The following CPLX2 variants were observed in gnomAD, a reference collection of about 807,000 sequenced individuals.
The protein encoded by CPLX2 is complexin-2.
In CPLX2, 5 loss-of-function variants were observed where a neutral mutation model predicts 16.3. The ratio of observed to expected loss-of-function variants is 0.31; its 90% CI spans 0.16 to 0.64. The LOEUF (loss-of-function observed/expected upper bound fraction) is 0.64, where lower values mean the gene tolerates loss of function less well. CPLX2 is among the 30% of genes least tolerant of loss of function. The probability of loss-of-function intolerance (pLI) is 0.79; values close to 1 mark genes in which losing one functional copy is unlikely to be tolerated. For missense variants in CPLX2, 144 were observed against 181.4 expected, an observed-to-expected ratio of 0.79 and a Z score of 1.18; for synonymous variants, 89 against 73.2, an observed-to-expected ratio of 1.22 and a Z score of -1.10.
upstream of CPLX2, among the ~76,000 whole-genome samples, chr5:175,868,534 T>C (rs181995739): frequency 3.5e-4 from 54 of 152,228 alleles, no homozygotes; most frequent in African/African-American, 1.3e-3. Context: ...CACATCTATA[T>C]TTTACCAGGT....
chr5:175,876,124 T>C (rs1759750828), intron 1 of CPLX2, among the ~76,000 whole-genome samples: 1 of 152,178 alleles, frequency 6.6e-6, no homozygotes, highest in Non-Finnish European at 1.5e-5. Flanking sequence ...TTCCTACGCA[T>C]GTGTGCATAT....
At chr5:175,804,925 G>A (rs190401538) in intron 1 of CPLX2, among the ~76,000 whole-genome samples, 8 of 152,312 alleles carry the variant, frequency 5.3e-5, no homozygotes, top group Non-Finnish European at 1.0e-4. Flanking sequence ...GTTTTGAAGC[G>A]AGGGACCCTG....
intron 2 of CPLX2, among the ~76,000 whole-genome samples, chr5:175,856,627 C>T (rs992383639): frequency 6.6e-6 from 1 of 152,138 alleles, no homozygotes; most frequent in Non-Finnish European, 1.5e-5. Flanking sequence ...CTGCGGCATG[C>T]GAGAGGGAGC....
At chr5:175,857,210 G>C (rs1334554723) in intron 2 of CPLX2, among the ~76,000 whole-genome samples, 1 of 152,132 alleles carries the variant, frequency 6.6e-6, no homozygotes. Flanking sequence ...CAGCTCAAGG[G>C]AGCATCCTTC....
At chr5:175,835,859 C>T (rs991312061) in intron 2 of CPLX2, among the ~76,000 whole-genome samples, 7 of 150,874 alleles carry the variant, frequency 4.6e-5, no homozygotes, top group African/African-American at 1.7e-4. Flanking sequence ...CTGCCTCAGC[C>T]TCCTGAGTAA....
chr5:175,821,533 G>C (rs1310601919), intron 2 of CPLX2, among the ~76,000 whole-genome samples: 2 of 152,034 alleles, frequency 1.3e-5, no homozygotes, highest in Non-Finnish European at 2.9e-5. Flanking sequence ...TTAGCCTCCT[G>C]AGTAGCTGGG....
intron 2 of CPLX2, among the ~76,000 whole-genome samples, chr5:175,865,236 A>C (rs1277304597): frequency 6.6e-6 from 1 of 152,216 alleles, no homozygotes; most frequent in African/African-American, 2.4e-5. Context: ...TCCTTGCTTT[A>C]ACAAGACAGC....
upstream of CPLX2, chr5:175,871,402 G>C (rs979501519): frequency 9.3e-6 from 1 of 107,682 alleles, no homozygotes; most frequent in African/African-American, 3.5e-5. Context: ...GGGAGAGAAA[G>C]AGAGAGAGGA....
chr5:175,800,726 G>T (rs1346920066), intron 1 of CPLX2, among the ~76,000 whole-genome samples: 1 of 152,186 alleles, frequency 6.6e-6, no homozygotes, highest in African/African-American at 2.4e-5. Context: ...GCTATTCTGT[G>T]TCGGGCACCA....
intron 2 of CPLX2, among the ~76,000 whole-genome samples, chr5:175,856,398 T>C (rs1449106835): frequency 1.3e-5 from 2 of 152,062 alleles, no homozygotes; most frequent in Non-Finnish European, 2.9e-5. Context: ...CTCAGAGAGG[T>C]GCAGTGACTT....
chr5:175,876,412 G>A (rs1024177749), intron 1 of CPLX2, among the ~76,000 whole-genome samples: 3 of 152,146 alleles, frequency 2.0e-5, no homozygotes, highest in South Asian at 4.1e-4. Flanking sequence ...GGAAGAGACA[G>A]GAGGAAGAAG....
At position 175,880,116 on chromosome 5, in the gene CPLX2, G is replaced by A. The variant is rs750956015; in HGVS notation, c.*71G>A. The A allele has an allele frequency of 6.6e-6, 10 of 1,507,974 alleles. No homozygotes were observed. The African/African-American group carries it at 8.3e-5, about 13-fold the overall frequency. 93.4% of individuals were successfully genotyped at this position (1,507,974 alleles called of 1,614,324 possible). ...TGGTTCTTTCTTTTCTTTTTATTAGGTTAAGTCTCAATTCTGAAGGGGAAA... is the reference window on the plus strand; with the variant it reads ...TGGTTCTTTCTTTTCTTTTTATTAGATTAAGTCTCAATTCTGAAGGGGAAA... On this transcript the variant is annotated 3_prime_UTR_variant, in exon 4 of 4. Coordinates refer to ENST00000393745, the MANE Select transcript of CPLX2 (RefSeq NM_001008220.2).
intron 2 of CPLX2, among the ~76,000 whole-genome samples, chr5:175,826,348 G>T (rs1057229600): frequency 4.6e-5 from 7 of 152,272 alleles, no homozygotes; most frequent in African/African-American, 1.7e-4. Context: ...ATGGACAAAA[G>T]GTAGGGCAGG....
chr5:175,855,832 C>T (rs1233234705), intron 2 of CPLX2, among the ~76,000 whole-genome samples: 1 of 152,170 alleles, frequency 6.6e-6, no homozygotes, highest in East Asian at 1.9e-4. Context: ...CAATTCCATC[C>T]AAACCACATG....
chr5:175,864,685 C>G (rs1759433252), intron 2 of CPLX2, among the ~76,000 whole-genome samples: 1 of 152,112 alleles, frequency 6.6e-6, no homozygotes, highest in Non-Finnish European at 1.5e-5. Flanking sequence ...AGGAGAGCTC[C>G]TGGGGTGCTG....
chr5:175,826,793 G>A lies in CPLX2; in HGVS notation c.-89+17725G>A, dbSNP rs561669607. 5.3e-5 allele frequency among the ~76,000 whole-genome samples: 8 copies of A among 152,276 alleles called. No individual in the cohort carries two copies. In the South Asian group the frequency reaches 1.5e-3, roughly 28 times the overall value. ...CAACACCCACTCCCTCAAAACTGAA[G>A]AGAAAACTTACTACTTGTATTCTTG... On this transcript the variant is annotated intron_variant, in intron 2 of 4. Transcript: ENST00000359546.
intron 2 of CPLX2, among the ~76,000 whole-genome samples, chr5:175,856,456 A>G (rs1328012836): frequency 2.6e-5 from 4 of 152,178 alleles, no homozygotes; most frequent in Non-Finnish European, 5.9e-5. Flanking sequence ...GCCCAGCCCC[A>G]GGCTTTCAAA....
chr5:175,853,059 C>T (rs1008598090), intron 2 of CPLX2, among the ~76,000 whole-genome samples: 5 of 152,334 alleles, frequency 3.3e-5, no homozygotes, highest in South Asian at 2.1e-4. Flanking sequence ...AGACAGTACA[C>T]GGGTTTCCTT....
intron 1 of CPLX2, among the ~76,000 whole-genome samples, chr5:175,797,503 A>G (rs1561765548): frequency 6.6e-6 from 1 of 151,682 alleles, no homozygotes; most frequent in African/African-American, 2.4e-5. Context: ...TTCCCTCCAG[A>G]CCCCCACCCC....
Sources: allele counts gnomAD v4.1 joint callset (sites outside exome capture counted in the v4.1 genomes callset), GRCh38; gene constraint gnomAD v4.1.1; transcripts MANE v1.5; gene names NCBI Gene and HGNC (gene_info 2026-07-23, HGNC 2026-07-21).